The following TTK variants were observed in gnomAD, a reference collection of about 807,000 sequenced individuals.
TTK encodes dual specificity protein kinase TTK.
TTK carries 59 observed loss-of-function variants against 117.3 expected under a neutral mutation model. The observed-to-expected ratio is 0.50, with a 90% CI of 0.41 to 0.62. TTK has a LOEUF of 0.62. TTK is among the 20% of genes least tolerant of loss of function. TTK has a pLI of 0.00. For synonymous variants in TTK, 302 were observed against 325.0 expected, an observed-to-expected ratio of 0.93 and a Z score of 0.76; for missense variants, 921 against 989.4, an observed-to-expected ratio of 0.93 and a Z score of 0.93.
chr6:80,011,969 T>C lies in TTK; in HGVS notation c.885T>C (p.Cys295=). The C allele has an allele frequency of 6.2e-7, 1 of 1,608,026 alleles. No individual in the cohort carries two copies. Among genetic ancestry groups the C allele is most frequent in the Non-Finnish European group, 8.5e-7 (1 of 1,178,086 alleles). ...AGACAGATGATTCAGTTGTACCTTGTTTTATGAAAAGGTATGTTGAGTTTT... is the reference window on the plus strand; with the variant it reads ...AGACAGATGATTCAGTTGTACCTTGCTTTATGAAAAGGTATGTTGAGTTTT... ...DVKTDDSVVP[C]FMKRQTSRSE... is the part of the protein sequence containing the mutation. Residue 295 remains cysteine, a synonymous_variant, in exon 8 of 22, where the codon TGT becomes TGC. Coordinates refer to ENST00000369798, the MANE Select transcript of TTK (RefSeq NM_003318.5).
chr6:80,041,629 C>T (rs568852937), intron 21 of TTK, among the ~76,000 whole-genome samples: 2 of 151,546 alleles, frequency 1.3e-5, no homozygotes, highest in East Asian at 3.9e-4. Context: ...GCAAAGATGT[C>T]TGCCATCTTC....
In TTK at chr6:80,007,879, C is replaced by T. The variant is rs370266652; in HGVS notation, c.210C>T (p.Leu70=). 10 of 1,613,200 alleles carry T rather than the reference C, an allele frequency of 6.2e-6. No individual in the cohort carries two copies. The highest frequency in any genetic ancestry group is 1.7e-5 in the Admixed American group (1 of 59,920). ...NNPEDWLSLL[L]KLEKNSVPLS... ...CAGAGGACTGGTTGAGTTTGTTGCT[C>T]AAACTAGAGAAAAACAGTGTTCCGC... Residue 70 remains leucine, a synonymous_variant, in exon 3 of 22, where the codon CTC becomes CTT. Transcript: ENST00000369798.
chr6:80,021,377 G>T (rs1447843864), intron 10 of TTK, among the ~76,000 whole-genome samples: 2 of 152,172 alleles, frequency 1.3e-5, no homozygotes, highest in Non-Finnish European at 2.9e-5. Flanking sequence ...TGCTCCACTT[G>T]TTGGAAACCA....
Position 80,031,483 on chromosome 6 carries a change from C to T in TTK, c.1538C>T (p.Ser513Leu), listed in dbSNP as rs760362405. The T allele has an allele frequency of 6.6e-7, 1 of 1,506,956 alleles. No homozygotes were observed. Among genetic ancestry groups the T allele is most frequent in the South Asian group, 1.5e-5 (1 of 68,392 alleles). The allele number at this position is 1,506,956 out of a possible 1,614,324, so 93.3% of individuals were successfully genotyped here. The change falls in exon 14 of 22, where the codon TCA (serine) becomes TTA (leucine). Residue 513 changes from serine to leucine, a missense_variant. Ser to Leu is a moderately radical substitution (Grantham distance 145). Coordinates refer to ENST00000369798, the MANE Select transcript of TTK (RefSeq NM_003318.5). Reference sequence around the variant, plus strand: ...CTTATTTAGGTTTTAGCATCTTCTTCAGCAAATGAATGCATTTCGGTTAAA... The same window carrying T: ...CTTATTTAGGTTTTAGCATCTTCTTTAGCAAATGAATGCATTTCGGTTAAA... Reference protein sequence around the residue: ...LQNLQVLASSSANECISVKGR... With the variant: ...LQNLQVLASSLANECISVKGR...
chr6:80,029,099 GAGTAATTA>G, intron 13 of TTK, among the ~76,000 whole-genome samples: 1 of 152,278 alleles, frequency 6.6e-6, no homozygotes, highest in East Asian at 1.9e-4. Context: ...AAAAACCCAT[GAGTAATTA>G]ACTATAAAAA....
rs1000553918 is a variant in TTK at position 80,022,019 on chromosome 6, CTT to C, written c.1109-303_1109-302del. On this transcript the variant is annotated intron_variant, in intron 10 of 21. Transcript: ENST00000369798. ...TGAATTAGCTTCTCTATTAGTAAGA[CTT>C]TATAACATCTATATGTTTTTAAATT... Among the ~76,000 whole-genome samples, 8 of 152,284 alleles carry C rather than the reference CTT, an allele frequency of 5.3e-5. No individual in the cohort carries two copies. In the East Asian group the frequency reaches 1.5e-3, roughly 29 times the overall value.
At chr6:80,026,347 CT>C in intron 11 of TTK, 30 bp from the exon 12 acceptor site, 1 of 1,582,346 alleles carries the variant, frequency 6.3e-7, no homozygotes, top group Non-Finnish European at 8.6e-7. Flanking sequence ...AATTTAAAAA[CT>C]AAATCATGGT....
At chr6:80,013,181 A>G (rs1194793759) in intron 8 of TTK, 98 bp from the exon 9 acceptor site, 3 of 905,012 alleles carry the variant, frequency 3.3e-6, no homozygotes, top group African/African-American at 1.8e-5. Flanking sequence ...AATAAAAAGT[A>G]TGTATATTAT....
intron 10 of TTK, among the ~76,000 whole-genome samples, chr6:80,020,315 T>C (rs1223275584): frequency 2.6e-5 from 4 of 152,150 alleles, no homozygotes; most frequent in Non-Finnish European, 4.4e-5. Flanking sequence ...TCTTTTATCC[T>C]TTTTTTCCCC....
At chr6:80,018,739 G>A (rs1413204213) in intron 10 of TTK, among the ~76,000 whole-genome samples, 1 of 152,056 alleles carries the variant, frequency 6.6e-6, no homozygotes, top group East Asian at 1.9e-4. Context: ...GAATAGAAAG[G>A]GATGATAGGT....
chr6:80,034,449 CT>C (rs562040981), intron 14 of TTK, among the ~76,000 whole-genome samples: 147 of 152,256 alleles, frequency 9.7e-4, no homozygotes, highest in Non-Finnish European at 1.6e-3. Flanking sequence ...AAAACAACAT[CT>C]GTGAATTGAA....
At chr6:80,007,312 A>G (rs1255103493) in intron 2 of TTK, among the ~76,000 whole-genome samples, 6 of 152,158 alleles carry the variant, frequency 3.9e-5, no homozygotes, top group African/African-American at 1.2e-4. Context: ...ACAAGTAAGT[A>G]TGAGGTATAC....
At chr6:80,009,453 AT>A (rs1199018060) in intron 4 of TTK, among the ~76,000 whole-genome samples, 1 of 152,016 alleles carries the variant, frequency 6.6e-6, no homozygotes, top group Non-Finnish European at 1.5e-5. Flanking sequence ...TAGAACTATT[AT>A]CCCTTTCTTC....
intron 2 of TTK, chr6:80,006,245 GCT>G (rs1210439597): frequency 9.5e-6 from 4 of 421,930 alleles, no homozygotes; most frequent in Non-Finnish European, 1.8e-5. Flanking sequence ...TAATACTCTA[GCT>G]CTTCTAAAAG....
intron 4 of TTK, among the ~76,000 whole-genome samples, chr6:80,010,344 C>G (rs531542765): frequency 4.0e-5 from 6 of 151,520 alleles, no homozygotes; most frequent in African/African-American, 1.5e-4. Context: ...GGAAGATGCT[C>G]TTTAACAAAA....
At chr6:80,019,725 A>G (rs1767407918) in intron 10 of TTK, among the ~76,000 whole-genome samples, 1 of 152,186 alleles carries the variant, frequency 6.6e-6, no homozygotes, top group Non-Finnish European at 1.5e-5. Context: ...CACCAATCTA[A>G]ATTAAATTAG....
In TTK at chr6:80,013,274, A is replaced by G. The variant is rs375475106; in HGVS notation, c.897-5A>G. 2.7e-5 allele frequency: 42 copies of G among 1,583,018 alleles called. 1 individual carries two copies. Among genetic ancestry groups the G allele is most frequent in the Non-Finnish European group, 3.4e-5 (40 of 1,170,182 alleles). Reference sequence around the variant, plus strand: ...GTTAAAATTATTTTGTTTCACGGGTAAAAGACAAACCTCTAGATCAGAATG... The same window carrying G: ...GTTAAAATTATTTTGTTTCACGGGTGAAAGACAAACCTCTAGATCAGAATG... On this transcript the variant is annotated splice_region_variant and splice_polypyrimidine_tract_variant and intron_variant, in intron 8 of 21. Coordinates refer to ENST00000369798, the MANE Select transcript of TTK (RefSeq NM_003318.5).
intron 2 of TTK, among the ~76,000 whole-genome samples, chr6:80,006,565 A>T (rs1766999896): frequency 6.6e-6 from 1 of 152,108 alleles, no homozygotes; most frequent in Non-Finnish European, 1.5e-5. Flanking sequence ...GATGCTTAAA[A>T]CCATAGTTTC....
chr6:80,026,657 G>A, intron 12 of TTK, 143 bp downstream of exon 12: 2 of 1,220,268 alleles, frequency 1.6e-6, no homozygotes, highest in Non-Finnish European at 2.3e-6. Flanking sequence ...CAGCATCAGT[G>A]TTTTCATCTA....
Sources: gnomAD v4.1 joint callset for allele counts (sites outside exome capture counted in the v4.1 genomes callset) on GRCh38, gnomAD v4.1.1 for gene constraint, MANE v1.5 for transcripts, NCBI Gene and HGNC (gene_info 2026-07-23, HGNC 2026-07-21) for gene names.